The following IGF1R variants were observed in gnomAD, a reference collection of about 807,000 sequenced individuals.
IGF1R encodes insulin-like growth factor 1 receptor.
In IGF1R, 44 loss-of-function variants were observed where a neutral mutation model predicts 144.6. The observed-to-expected ratio is 0.30, with a 90% CI of 0.24 to 0.39. The LOEUF is 0.39. Among genes scored for constraint, IGF1R ranks in the 10% least tolerant of loss-of-function variants. The probability of loss-of-function intolerance (pLI) is 1.00; values close to 1 mark genes in which losing one functional copy is unlikely to be tolerated. For missense variants in IGF1R, 1,355 were observed against 1,833.7 expected, an observed-to-expected ratio of 0.74 and a Z score of 4.77; for synonymous variants, 795 against 722.8, an observed-to-expected ratio of 1.10 and a Z score of -1.60.
At chr15:98,869,406 C>G (rs1019648550) in intron 2 of IGF1R, among the ~76,000 whole-genome samples, 1 of 149,936 alleles carries the variant, frequency 6.7e-6, no homozygotes, top group Non-Finnish European at 1.5e-5. Flanking sequence ...GAAGATTATT[C>G]TTCCTGGAAC....
At chr15:98,745,830 C>T (rs1048435194) in intron 2 of IGF1R, among the ~76,000 whole-genome samples, 6 of 152,206 alleles carry the variant, frequency 3.9e-5, no homozygotes, top group African/African-American at 1.4e-4. Context: ...ACGGTACAAC[C>T]TTTATGGAAG....
intron 2 of IGF1R, among the ~76,000 whole-genome samples, chr15:98,831,116 C>T (rs1274485939): frequency 6.6e-6 from 1 of 152,184 alleles, no homozygotes; most frequent in African/African-American, 2.4e-5. Context: ...CCACCAGGCC[C>T]CACCTCCAAC....
chr15:98,961,711 GGT>G lies in IGF1R; in HGVS notation c.*4274_*4275del, dbSNP rs768894625. On this transcript the variant is annotated 3_prime_UTR_variant, in exon 21 of 21. Coordinates refer to ENST00000650285, the MANE Select transcript of IGF1R (RefSeq NM_000875.5). ...GCCCTTCCCTGAGGCAGCAGGAGCT[GGT>G]GTGTACTGGAGACACTGTTGAACTT... The G allele has an allele frequency of 4.3e-6, 1 of 233,638 alleles. No homozygotes were observed. Among genetic ancestry groups the G allele is most frequent in the Non-Finnish European group, 8.5e-6 (1 of 118,042 alleles). 14.5% of individuals were successfully genotyped at this position (233,638 alleles called of 1,614,324 possible).
chr15:98,689,449 A>G (rs1414647453), intron 1 of IGF1R, among the ~76,000 whole-genome samples: 1 of 21,400 alleles, frequency 4.7e-5, no homozygotes, highest in East Asian at 9.4e-4. Context: ...ATGTTATTCA[A>G]ATTCTGACCT....
intron 15 of IGF1R, 98 bp downstream of exon 15, chr15:98,930,403 T>A: frequency 1.3e-6 from 1 of 756,142 alleles, no homozygotes; most frequent in Non-Finnish European, 2.3e-6. Flanking sequence ...AGGTTTGCAT[T>A]ATTTTGAGCT....
At position 98,891,347 on chromosome 15, in the gene IGF1R, G is replaced by A. The variant is rs1476374280; in HGVS notation, c.663G>A (p.Lys221=). 2 of 1,607,140 alleles carry A rather than the reference G, an allele frequency of 1.2e-6. No homozygotes were observed. Among genetic ancestry groups the A allele is most frequent in the Non-Finnish European group, 1.7e-6 (2 of 1,179,934 alleles). ...CQKMCPSTCG[K]RACTENNECC... is the part of the protein sequence containing the mutation. ...CAGTGTGCCCAAGCACGTGTGGGAA[G>A]CGGGCGTGCACCGAGAACAATGAGT... The change falls in exon 3 of 21, where the codon AAG becomes AAA. Residue 221 remains lysine, a synonymous_variant. Coordinates refer to ENST00000650285, the MANE Select transcript of IGF1R (RefSeq NM_000875.5). The surrounding 1 kb of genome is among the most constrained non-coding windows in gnomAD (Gnocchi z 4.7).
chr15:98,774,193 T>A (rs1211260164), intron 2 of IGF1R, among the ~76,000 whole-genome samples: 2 of 152,146 alleles, frequency 1.3e-5, no homozygotes, highest in African/African-American at 4.8e-5. Flanking sequence ...TCAAATCAGA[T>A]CAAGTTCTCT....
rs142475099 is a variant in IGF1R, at chr15:98,835,024, C to T, written c.641-56301C>T. Among the ~76,000 whole-genome samples the T allele has an allele frequency of 6.6e-3, 1,000 of 151,484 alleles. 11 individuals are homozygous for T. The highest frequency in any genetic ancestry group is 0.023 in the African/African-American group (951 of 41,178). Reference sequence around the variant, plus strand: ...ATATTGAGTGAAAAGGAATAGGATCCTTTGTCAGTAGTAACTTAGGCTTTT... The same window carrying T: ...ATATTGAGTGAAAAGGAATAGGATCTTTTGTCAGTAGTAACTTAGGCTTTT... On this transcript the variant is annotated intron_variant, in intron 2 of 20. Coordinates refer to ENST00000650285, the MANE Select transcript of IGF1R (RefSeq NM_000875.5).
chr15:98,901,667 C>T (rs2014488824), intron 5 of IGF1R, among the ~76,000 whole-genome samples: 1 of 152,120 alleles, frequency 6.6e-6, no homozygotes, highest in South Asian at 2.1e-4. Flanking sequence ...AAGCAGAACT[C>T]GCACAGTGAT....
intron 1 of IGF1R, among the ~76,000 whole-genome samples, chr15:98,659,507 G>A (rs967155824): frequency 7.9e-5 from 12 of 152,128 alleles, no homozygotes; most frequent in Admixed American, 1.3e-4. Context: ...GCTTCCTGGG[G>A]ACTGATTGCA....
intron 2 of IGF1R, among the ~76,000 whole-genome samples, chr15:98,878,381 A>G (rs2013168872): frequency 6.6e-6 from 1 of 152,104 alleles, no homozygotes. Context: ...AATATAGAAT[A>G]CTCTCTCAAT....
chr15:98,859,544 T>C (rs73463606), intron 2 of IGF1R, among the ~76,000 whole-genome samples: 5,278 of 152,302 alleles, frequency 0.035, 309 homozygotes, highest in African/African-American at 0.12. Context: ...GGGAAAGAAC[T>C]TCTTGCAAGG....
chr15:98,875,006 T>C (rs1459421285), intron 2 of IGF1R, among the ~76,000 whole-genome samples: 1 of 152,258 alleles, frequency 6.6e-6, no homozygotes, highest in Non-Finnish European at 1.5e-5. Context: ...CATGTTCTTT[T>C]TTTGTCACTT....
intron 2 of IGF1R, among the ~76,000 whole-genome samples, chr15:98,818,034 T>C (rs11634874): frequency 0.18 from 27,135 of 152,146 alleles, 3,906 homozygotes; most frequent in African/African-American, 0.39. Context: ...TGTATCCTCA[T>C]ATAGTGGTGG....
intron 8 of IGF1R, among the ~76,000 whole-genome samples, chr15:98,914,560 G>A (rs1255705721): frequency 1.3e-5 from 2 of 152,198 alleles, no homozygotes; most frequent in Non-Finnish European, 2.9e-5. Context: ...CCTGCGTGTG[G>A]GTTGGTGTAG....
At chr15:98,789,245 C>G (rs150638167) in intron 2 of IGF1R, among the ~76,000 whole-genome samples, 1 of 152,338 alleles carries the variant, frequency 6.6e-6, no homozygotes, top group African/African-American at 2.4e-5. Flanking sequence ...AAAACCCTCA[C>G]TGAGTTGACA....
chr15:98,760,583 G>A (rs994821652), intron 2 of IGF1R, among the ~76,000 whole-genome samples: 4 of 152,322 alleles, frequency 2.6e-5, no homozygotes, highest in Non-Finnish European at 5.9e-5. Context: ...CAGCTGAGCT[G>A]AGTGCATGTC....
intron 2 of IGF1R, among the ~76,000 whole-genome samples, chr15:98,811,715 A>G (rs2056593339): frequency 6.6e-6 from 1 of 151,952 alleles, no homozygotes; most frequent in Non-Finnish European, 1.5e-5. Context: ...TCACGAGGTC[A>G]GGAGATCCAG....
intron 1 of IGF1R, among the ~76,000 whole-genome samples, chr15:98,671,169 A>C (rs553856510): frequency 7.9e-5 from 12 of 152,342 alleles, no homozygotes; most frequent in African/African-American, 2.6e-4. Flanking sequence ...CCAAATCTGC[A>C]TGTCTGAAAG....
Sources: allele counts gnomAD v4.1 joint callset (sites outside exome capture counted in the v4.1 genomes callset), GRCh38; gene constraint gnomAD v4.1.1; non-coding constraint Gnocchi (gnomAD v3.1); transcripts MANE v1.5; gene names NCBI Gene and HGNC (gene_info 2026-07-23, HGNC 2026-07-21).